Variants in FXYD6 observed in about 807,000 individuals in gnomAD.
FXYD6 encodes the protein FXYD domain containing ion transport regulator 6.
Under a neutral mutation model 16.7 loss-of-function variants are expected in FXYD6, and 7 were observed. The ratio of observed to expected loss-of-function variants is 0.42; its 90% CI spans 0.24 to 0.79. FXYD6 has a LOEUF of 0.79. FXYD6 is among the 30% of genes least tolerant of loss of function. The pLI is 0.28. For missense variants in FXYD6, 111 were observed against 116.2 expected, an observed-to-expected ratio of 0.95 and a Z score of 0.21; for synonymous variants, 49 against 43.0, an observed-to-expected ratio of 1.14 and a Z score of -0.54.
At chr11:117,838,359 C>T (rs2056248368) in intron 7 of FXYD6, 82 bp from the exon 8 acceptor site, 1 of 698,260 alleles carries the variant, frequency 1.4e-6, no homozygotes, top group Admixed American at 2.0e-5. Flanking sequence ...CCTTGAGCAC[C>T]TGCCCACTGA....
intron 1 of FXYD6, among the ~76,000 whole-genome samples, chr11:117,847,610 G>A (rs939260646): frequency 6.0e-5 from 9 of 148,996 alleles, no homozygotes; most frequent in East Asian, 4.0e-4. Flanking sequence ...GAGAACATGC[G>A]GTGTTTGGTT....
intron 1 of FXYD6, among the ~76,000 whole-genome samples, chr11:117,866,743 T>A (rs1306526112): frequency 6.6e-6 from 1 of 152,178 alleles, no homozygotes; most frequent in Non-Finnish European, 1.5e-5. Flanking sequence ...AGAATACCAG[T>A]GCATTTATGC....
At chr11:117,875,856 C>A (rs1050486643) in intron 1 of FXYD6, among the ~76,000 whole-genome samples, 2 of 152,180 alleles carry the variant, frequency 1.3e-5, no homozygotes, top group African/African-American at 4.8e-5. Context: ...CAGAAGCCAG[C>A]GCTGGGAGCT....
chr11:117,842,621 C>T, intron 2 of FXYD6, 98 bp downstream of exon 2: 8 of 1,248,094 alleles, frequency 6.4e-6, no homozygotes, highest in South Asian at 2.6e-5. Flanking sequence ...CGTGAGAGTC[C>T]CCCAGCCCTA....
At chr11:117,847,618 GT>G (rs1165647704) in intron 1 of FXYD6, among the ~76,000 whole-genome samples, 1 of 150,174 alleles carries the variant, frequency 6.7e-6, no homozygotes, top group East Asian at 2.0e-4. Context: ...GCGGTGTTTG[GT>G]TTTTTTGTCC....
chr11:117,863,664 A>T (rs1232424623), intron 1 of FXYD6, among the ~76,000 whole-genome samples: 2 of 152,256 alleles, frequency 1.3e-5, no homozygotes, highest in Non-Finnish European at 2.9e-5. Flanking sequence ...ATTGGAAAGG[A>T]AGAAGTAAAA....
chr11:117,859,521 C>T (rs184900346), intron 1 of FXYD6, among the ~76,000 whole-genome samples: 4 of 152,306 alleles, frequency 2.6e-5, no homozygotes, highest in South Asian at 2.1e-4. Context: ...ATTATAATCA[C>T]GACAAATGAT....
intron 4 of FXYD6, 138 bp from the exon 5 acceptor site, chr11:117,841,322 T>C: frequency 1.8e-6 from 2 of 1,117,648 alleles, no homozygotes; most frequent in Admixed American, 2.5e-5. Flanking sequence ...CTGCACACAG[T>C]GGCCCTCGGA....
chr11:117,861,838 G>A (rs1449174961), intron 1 of FXYD6, among the ~76,000 whole-genome samples: 7 of 152,240 alleles, frequency 4.6e-5, no homozygotes, highest in Admixed American at 3.9e-4. Context: ...ATGTGGAGGG[G>A]CCTCGGCCCA....
intron 1 of FXYD6, among the ~76,000 whole-genome samples, chr11:117,863,815 A>G (rs2056959105): frequency 6.6e-6 from 1 of 152,184 alleles, no homozygotes; most frequent in Non-Finnish European, 1.5e-5. Context: ...TCTATACATT[A>G]ACAATAAAAA....
At chr11:117,858,453 G>T (rs1334666326) in intron 1 of FXYD6, among the ~76,000 whole-genome samples, 1 of 151,870 alleles carries the variant, frequency 6.6e-6, no homozygotes, top group African/African-American at 2.4e-5. Flanking sequence ...CTCACCTTGG[G>T]TCCCATGTAA....
chr11:117,845,079 C>T (rs939061231), intron 1 of FXYD6, among the ~76,000 whole-genome samples: 1 of 152,190 alleles, frequency 6.6e-6, no homozygotes, highest in Non-Finnish European at 1.5e-5. Flanking sequence ...CTTATGCATT[C>T]GTCACCAATC....
chr11:117,840,428 T>C, intron 5 of FXYD6, 60 bp from the exon 6 acceptor site: 3 of 1,610,398 alleles, frequency 1.9e-6, no homozygotes, highest in Middle Eastern at 1.7e-4. Context: ...CCAGAGAGCA[T>C]CGTTCTGCTC....
intron 1 of FXYD6, among the ~76,000 whole-genome samples, chr11:117,846,308 AC>A (rs1403534805): frequency 6.6e-6 from 1 of 152,184 alleles, no homozygotes; most frequent in Non-Finnish European, 1.5e-5. Flanking sequence ...TATTCTGAAT[AC>A]TAAACCTTTG....
chr11:117,857,438 C>T (rs1336203594), intron 1 of FXYD6, among the ~76,000 whole-genome samples: 1 of 137,206 alleles, frequency 7.3e-6, no homozygotes, highest in Non-Finnish European at 1.5e-5. Flanking sequence ...GAGAAGGAGT[C>T]TCGCTCTGTA....
At chr11:117,868,847 T>C (rs2057067987) in intron 1 of FXYD6, 1 of 152,098 alleles carries the variant, frequency 6.6e-6, no homozygotes, top group African/African-American at 2.4e-5. Flanking sequence ...AATTCAAAAA[T>C]TCAGTTAAAA....
chr11:117,837,970 A>G lies in FXYD6; in HGVS notation c.*329T>C. The G allele has an allele frequency of 1.9e-6, 1 of 540,156 alleles. No homozygotes were observed. The highest frequency in any genetic ancestry group is 3.3e-6 in the Non-Finnish European group (1 of 300,796). 33.5% of individuals were successfully genotyped at this position (540,156 alleles called of 1,614,324 possible). A position where few individuals can be genotyped will look rare whatever the true frequency, so the allele number is the denominator to read the frequency against. Reference sequence around the variant, plus strand: ...CCCCTGCCTGGGAAAGCGAGTCCACAGTTCACTAACAAACACAATACCATC... The same window carrying G: ...CCCCTGCCTGGGAAAGCGAGTCCACGGTTCACTAACAAACACAATACCATC... On this transcript the variant is annotated 3_prime_UTR_variant, in exon 8 of 8. Coordinates refer to ENST00000526014, the MANE Select transcript of FXYD6 (RefSeq NM_022003.4). This position sits in a 1 kb window ranked among gnomAD's most constrained non-coding sequence, Gnocchi z 4.4.
At chr11:117,854,519 G>A (rs1161176169) in intron 1 of FXYD6, among the ~76,000 whole-genome samples, 8 of 152,186 alleles carry the variant, frequency 5.3e-5, no homozygotes, top group African/African-American at 1.9e-4. Flanking sequence ...TACTATTCTG[G>A]GTTCTGCAAA....
At position 117,845,404 on chromosome 11, in the gene FXYD6, G is replaced by A. The variant is rs1346168932; in HGVS notation, c.-5-2623C>T. On this transcript the variant is annotated intron_variant, in intron 1 of 7. Coordinates refer to ENST00000526014, the MANE Select transcript of FXYD6 (RefSeq NM_022003.4). ...TTTGTCTTAAAAATATATTTAACAC[G>A]TACATATATCTAAATATTATGTTGC... 7.2e-5 allele frequency among the ~76,000 whole-genome samples: 11 copies of A among 152,190 alleles called. No individual in the cohort carries two copies. The East Asian group carries it at 9.6e-4, about 13-fold the overall frequency.
Sources: gnomAD v4.1 joint callset for allele counts (sites outside exome capture counted in the v4.1 genomes callset) on GRCh38, gnomAD v4.1.1 for gene constraint, Gnocchi (gnomAD v3.1) non-coding constraint, MANE v1.5 for transcripts, NCBI Gene and HGNC (gene_info 2026-07-23, HGNC 2026-07-21) for gene names.